GMDS: variants seen among roughly 807,000 people sequenced by gnomAD.
GMDS encodes GDP-mannose 4,6-dehydratase, also known as GDP-mannose 4,6 dehydratase.
In GMDS, 20 loss-of-function variants were observed where a neutral mutation model predicts 49.9. The observed-to-expected ratio is 0.40, with a 90% CI of 0.28 to 0.58. The LOEUF (loss-of-function observed/expected upper bound fraction) is 0.58, where lower values mean the gene tolerates loss of function less well. GMDS is among the 20% of genes least tolerant of loss of function. The pLI is 0.42. For missense variants in GMDS, 362 were observed against 481.4 expected, an observed-to-expected ratio of 0.75 and a Z score of 2.32; for synonymous variants, 177 against 178.6, an observed-to-expected ratio of 0.99 and a Z score of 0.07.
At chr6:1,962,323 G>A (rs1763997335) in intron 4 of GMDS, among the ~76,000 whole-genome samples, 1 of 152,206 alleles carries the variant, frequency 6.6e-6, no homozygotes, top group African/African-American at 2.4e-5. Context: ...TACTGTGGAT[G>A]TTTCATACAA....
At chr6:2,217,935 C>T (rs566723665) in intron 1 of GMDS, among the ~76,000 whole-genome samples, 1 of 152,256 alleles carries the variant, frequency 6.6e-6, no homozygotes, top group South Asian at 2.1e-4. Context: ...GTATTTTACC[C>T]AAGTTAATTT....
chr6:2,143,479 C>G (rs1776407189), intron 1 of GMDS, among the ~76,000 whole-genome samples: 1 of 152,262 alleles, frequency 6.6e-6, no homozygotes, highest in Non-Finnish European at 1.5e-5. Context: ...CCAGGATAAA[C>G]TGACTGTGCT....
intron 1 of GMDS, among the ~76,000 whole-genome samples, chr6:2,181,304 CAA>C (rs1778518708): frequency 6.6e-6 from 1 of 152,008 alleles, no homozygotes; most frequent in Admixed American, 6.6e-5. Flanking sequence ...CCTCTCTCCT[CAA>C]AAAGTGTCTC....
intron 7 of GMDS, among the ~76,000 whole-genome samples, chr6:1,916,589 TG>T (rs1444055148): frequency 6.6e-6 from 1 of 152,112 alleles, no homozygotes; most frequent in East Asian, 1.9e-4. Context: ...GAGCCAATCG[TG>T]GCACAGTGAC....
intron 9 of GMDS, among the ~76,000 whole-genome samples, chr6:1,659,596 C>A (rs1764000571): frequency 6.6e-6 from 1 of 152,134 alleles, no homozygotes; most frequent in South Asian, 2.1e-4. Flanking sequence ...TGATAGCACC[C>A]AGTGGACCAA....
chr6:1,686,420 G>T (rs138329671), intron 9 of GMDS, among the ~76,000 whole-genome samples: 35 of 152,298 alleles, frequency 2.3e-4, no homozygotes, highest in African/African-American at 7.7e-4. Flanking sequence ...GAGAGGGTGT[G>T]GGGGGAAGCT....
At chr6:1,824,887 T>A (rs979382403) in intron 7 of GMDS, among the ~76,000 whole-genome samples, 1 of 152,214 alleles carries the variant, frequency 6.6e-6, no homozygotes, top group Admixed American at 6.5e-5. Context: ...ATACGTTTGT[T>A]GTTTTCCTGC....
chr6:1,939,882 C>T (rs994178805), intron 6 of GMDS, among the ~76,000 whole-genome samples: 45 of 152,128 alleles, frequency 3.0e-4, no homozygotes, highest in African/African-American at 1.0e-3. Flanking sequence ...AAAATGCAAC[C>T]TTGGGCGCCC....
chr6:1,627,315 G>C (rs557729762), intron 9 of GMDS, among the ~76,000 whole-genome samples: 1 of 152,168 alleles, frequency 6.6e-6, no homozygotes, highest in South Asian at 2.1e-4. Flanking sequence ...AGGGTGGCGT[G>C]GGGAGGGCCT....
intron 7 of GMDS, among the ~76,000 whole-genome samples, chr6:1,910,889 T>C (rs1365798270): frequency 3.3e-5 from 5 of 152,222 alleles, no homozygotes; most frequent in Admixed American, 6.5e-5. Context: ...TTTTTAAACA[T>C]TGCTATTAAA....
intron 7 of GMDS, among the ~76,000 whole-genome samples, chr6:1,789,825 A>G (rs559982170): frequency 3.9e-5 from 6 of 152,244 alleles, no homozygotes; most frequent in Admixed American, 3.9e-4. Context: ...GGTGTGAGCC[A>G]CCACACCCAG....
At chr6:2,242,782 G>A (rs191275824) in intron 1 of GMDS, among the ~76,000 whole-genome samples, 9 of 152,282 alleles carry the variant, frequency 5.9e-5, no homozygotes, top group Admixed American at 5.9e-4. Context: ...GATAAATGGG[G>A]ATACTTATTA....
chr6:1,886,313 G>C (rs1389168475), intron 7 of GMDS, among the ~76,000 whole-genome samples: 1 of 152,106 alleles, frequency 6.6e-6, no homozygotes, highest in Non-Finnish European at 1.5e-5. Context: ...AATAAAAAAT[G>C]AGAATGACCA....
At chr6:1,923,559 G>C (rs1235872648) in intron 7 of GMDS, among the ~76,000 whole-genome samples, 1 of 152,226 alleles carries the variant, frequency 6.6e-6, no homozygotes, top group East Asian at 1.9e-4. Flanking sequence ...ACAAGGGGTT[G>C]AGCGCAGCAG....
chr6:2,063,824 C>A (rs570809114), intron 4 of GMDS, among the ~76,000 whole-genome samples: 1 of 152,302 alleles, frequency 6.6e-6, no homozygotes, highest in South Asian at 2.1e-4. Flanking sequence ...ACTTTTGTTG[C>A]ATGTCAAATG....
At chr6:1,706,513 A>C (rs1013925726) in intron 9 of GMDS, among the ~76,000 whole-genome samples, 2 of 152,208 alleles carry the variant, frequency 1.3e-5, no homozygotes, top group African/African-American at 4.8e-5. Context: ...AACATACTTC[A>C]CCACTGTTTT....
At chr6:1,703,178 G>C (rs1765604931) in intron 9 of GMDS, among the ~76,000 whole-genome samples, 1 of 152,150 alleles carries the variant, frequency 6.6e-6, no homozygotes, top group Admixed American at 6.5e-5. Flanking sequence ...GGCTACGTGG[G>C]CACAGGGCAT....
chr6:1,813,415 T>G (rs1770529609), intron 7 of GMDS, among the ~76,000 whole-genome samples: 1 of 152,102 alleles, frequency 6.6e-6, no homozygotes, highest in Admixed American at 6.6e-5. Context: ...GTGAGGTTAT[T>G]TTAGAAACTG....
rs563425912 is a variant in GMDS at position 1,902,130 on chromosome 6, T to G, written c.771+27973A>C. ...GAAGTGTGTAATTAATTCTGCACAT[T>G]GAGAATTAAGTATGCAAGAGTATTT... On this transcript the variant is annotated intron_variant, in intron 7 of 10. Transcript: ENST00000380815. Among the ~76,000 whole-genome samples the G allele has an allele frequency of 2.5e-3, 374 of 152,342 alleles. 5 individuals are homozygous for G. Among genetic ancestry groups the G allele is most frequent in the African/African-American group, 8.6e-3 (357 of 41,580 alleles).
Sources: gnomAD v4.1 joint callset for allele counts (sites outside exome capture counted in the v4.1 genomes callset) on GRCh38, gnomAD v4.1.1 for gene constraint, MANE v1.5 for transcripts, NCBI Gene and HGNC (gene_info 2026-07-23, HGNC 2026-07-21) for gene names.